The following XKR9 variants were observed in gnomAD, a reference collection of about 807,000 sequenced individuals.
The protein encoded by XKR9 is XK-related protein 9.
XKR9 carries 32 observed loss-of-function variants against 32.0 expected under a neutral mutation model. That is an observed-to-expected ratio of 1.00 (90% CI 0.76 to 1.34). The LOEUF is 1.34. Among genes scored for constraint, XKR9 ranks in the 40% most tolerant of loss-of-function variants. XKR9 has a pLI of 0.00. For missense variants in XKR9, 546 were observed against 429.7 expected, an observed-to-expected ratio of 1.27 and a Z score of -2.39; for synonymous variants, 168 against 143.4, an observed-to-expected ratio of 1.17 and a Z score of -1.22.
chr8:70,855,273 A>G, the XKR9 span, among the ~76,000 whole-genome samples: 248 of 152,278 alleles, frequency 1.6e-3, 3 homozygotes, highest in African/African-American at 5.6e-3. Flanking sequence ...CAATGCAGAA[A>G]AGTCCTTAAA....
chr8:70,958,949 T>G, the XKR9 span, among the ~76,000 whole-genome samples: 1 of 152,112 alleles, frequency 6.6e-6, no homozygotes, highest in Non-Finnish European at 1.5e-5. Context: ...ATATATATGA[T>G]GTGCCTAGTA....
chr8:70,811,466 C>T, the XKR9 span, among the ~76,000 whole-genome samples: 1 of 151,976 alleles, frequency 6.6e-6, no homozygotes, highest in African/African-American at 2.4e-5. Context: ...GAAATAGAGA[C>T]ACAAAAAACC....
chr8:70,838,502 C>T, the XKR9 span, among the ~76,000 whole-genome samples: 2 of 151,998 alleles, frequency 1.3e-5, no homozygotes, highest in African/African-American at 4.8e-5. Context: ...CACTGTTATT[C>T]GATTTCATAG....
the XKR9 span, among the ~76,000 whole-genome samples, chr8:70,816,254 C>A: frequency 6.6e-6 from 1 of 152,140 alleles, no homozygotes. Context: ...AAAGGACAAC[C>A]TTTTCAATAA....
At chr8:70,731,339 G>A (rs1257134676) in intron 4 of XKR9, among the ~76,000 whole-genome samples, 1 of 150,922 alleles carries the variant, frequency 6.6e-6, no homozygotes, top group Non-Finnish European at 1.5e-5. Context: ...TTTTTTGCTG[G>A]CATACCAGGT....
intron 3 of XKR9, among the ~76,000 whole-genome samples, chr8:70,703,376 C>T (rs2132167881): frequency 6.6e-6 from 1 of 152,114 alleles, no homozygotes; most frequent in East Asian, 1.9e-4. Context: ...AGGTTTTAAA[C>T]AACAAAAATT....
chr8:70,873,808 A>G, the XKR9 span, among the ~76,000 whole-genome samples: 1 of 152,256 alleles, frequency 6.6e-6, no homozygotes. Flanking sequence ...CCAATTTTGA[A>G]AGAAGTTCTA....
chr8:70,753,515 A>G lies in XKR9; in HGVS notation n.353-35824A>G, dbSNP rs184920820. The stretch of plus-strand genomic sequence containing the variant: ...GATGAACATTGTTGCAAAAGTCCTC[A>G]ATAAAATACTGGCAAACCGAATCCA... On this transcript the variant is annotated intron_variant and non_coding_transcript_variant, in intron 2 of 3. Coordinates refer to the XKR9 transcript ENST00000520273. 6.5e-3 allele frequency among the ~76,000 whole-genome samples: 984 copies of G among 152,360 alleles called. 11 individuals are homozygous for G. The highest frequency in any genetic ancestry group is 0.022 in the African/African-American group (921 of 41,578).
intron 3 of XKR9, among the ~76,000 whole-genome samples, chr8:70,702,446 G>T (rs1413044562): frequency 5.3e-5 from 8 of 152,042 alleles, no homozygotes; most frequent in South Asian, 2.1e-4. Flanking sequence ...GGTCAATTAG[G>T]CAGATAATGT....
intron 3 of XKR9, among the ~76,000 whole-genome samples, chr8:70,699,513 C>A (rs1805432156): frequency 6.6e-6 from 1 of 152,160 alleles, no homozygotes; most frequent in Admixed American, 6.5e-5. Flanking sequence ...TATTGGCCCC[C>A]ACTCTCTTCT....
chr8:70,738,564 G>T (rs2130153685), downstream of XKR9, among the ~76,000 whole-genome samples: 2 of 150,562 alleles, frequency 1.3e-5, 1 homozygote, highest in Admixed American at 1.3e-4. Context: ...GTGATGTTAG[G>T]GTGTCAATTT....
Position 70,729,975 on chromosome 8 carries a change from A to G in XKR9, c.494-3821A>G, listed in dbSNP as rs189610061. Among the ~76,000 whole-genome samples the G allele has an allele frequency of 1.0e-3, 158 of 152,332 alleles. 1 individual carries two copies. Among genetic ancestry groups the G allele is most frequent in the Middle Eastern group, 6.8e-3 (2 of 294 alleles). On this transcript the variant is annotated intron_variant, in intron 4 of 4. Transcript: ENST00000408926. ...AATTTGATTTTGGAAAGTTTGTCAAATATCAAAGGCTTAAAACACTGGATA... is the reference window on the plus strand; with the variant it reads ...AATTTGATTTTGGAAAGTTTGTCAAGTATCAAAGGCTTAAAACACTGGATA...
chr8:70,965,842 C>G, the XKR9 span, among the ~76,000 whole-genome samples: 4 of 151,554 alleles, frequency 2.6e-5, no homozygotes. Flanking sequence ...TTCTCTCTAT[C>G]TCCTTCAGTT....
intron 2 of XKR9, among the ~76,000 whole-genome samples, chr8:70,782,622 C>T (rs2130255264): frequency 6.6e-6 from 1 of 152,028 alleles, no homozygotes; most frequent in East Asian, 1.9e-4. Context: ...CTACTCTTTG[C>T]TTCTATAAGT....
chr8:70,677,656 G>A (rs1339331112), intron 2 of XKR9, among the ~76,000 whole-genome samples: 1 of 152,064 alleles, frequency 6.6e-6, no homozygotes, highest in African/African-American at 2.4e-5. Flanking sequence ...GTATATTGTG[G>A]GTAGGACCTA....
At chr8:70,750,505 G>T (rs999765022) in intron 2 of XKR9, among the ~76,000 whole-genome samples, 1 of 152,034 alleles carries the variant, frequency 6.6e-6, no homozygotes, top group Admixed American at 6.5e-5. Context: ...GAGTGATTTA[G>T]TTTTTCTTGG....
the XKR9 span, among the ~76,000 whole-genome samples, chr8:70,797,555 G>A: frequency 4.6e-5 from 7 of 150,754 alleles, no homozygotes; most frequent in African/African-American, 1.7e-4. Context: ...TACAATAACT[G>A]CAGATTTTTT....
chr8:70,793,010 C>G (rs928528431), downstream of XKR9, among the ~76,000 whole-genome samples: 1 of 152,058 alleles, frequency 6.6e-6, no homozygotes, highest in African/African-American at 2.4e-5. Context: ...TGGACTAAGA[C>G]AATTACAAAG....
At chr8:70,788,832 A>G (rs1807725715) in intron 2 of XKR9, among the ~76,000 whole-genome samples, 1 of 152,132 alleles carries the variant, frequency 6.6e-6, no homozygotes, top group Non-Finnish European at 1.5e-5. Flanking sequence ...CATTTCTGCA[A>G]GTGCGTTGGA....
Sources: allele counts gnomAD v4.1 joint callset (sites outside exome capture counted in the v4.1 genomes callset), GRCh38; gene constraint gnomAD v4.1.1; transcripts MANE v1.5; gene names NCBI Gene and HGNC (gene_info 2026-07-23, HGNC 2026-07-21).